The following CRIM1 variants were observed in gnomAD, a reference collection of about 807,000 sequenced individuals.
CRIM1 encodes cysteine rich transmembrane BMP regulator 1, also known as cysteine-rich motor neuron 1 protein.
Under a neutral mutation model 116.4 loss-of-function variants are expected in CRIM1, and 32 were observed. The observed-to-expected ratio is 0.27, with a 90% CI of 0.21 to 0.37. The LOEUF (loss-of-function observed/expected upper bound fraction) is 0.37. CRIM1 is among the 10% of genes least tolerant of loss of function. CRIM1 has a pLI of 1.00. For missense variants in CRIM1, 1,331 were observed against 1,354.8 expected (o/e 0.98, Z 0.28); for synonymous variants, 590 against 509.2 (o/e 1.16, Z -2.13).
chr2:36,385,144 C>T (rs190009130), intron 1 of CRIM1, among the ~76,000 whole-genome samples: 10 of 150,456 alleles, frequency 6.6e-5, no homozygotes, highest in Admixed American at 4.0e-4. Flanking sequence ...GAAGATATTT[C>T]TTTGTAGACC....
chr2:36,516,313 G>A (rs1482133154), intron 11 of CRIM1, among the ~76,000 whole-genome samples: 1 of 152,134 alleles, frequency 6.6e-6, no homozygotes, highest in Non-Finnish European at 1.5e-5. Context: ...TGAGCTAGCC[G>A]TGATGTCTCC....
rs185078747 is a variant in CRIM1, at chr2:36,544,364, C to T, written c.2624-12C>T. ...TTCATCATCTCTTAGGAAAAATGTT[C>T]CCTTCTTTTAGAAATGTATGTCCCA... On this transcript the variant is annotated splice_polypyrimidine_tract_variant and intron_variant, in intron 14 of 16. Coordinates refer to ENST00000280527, the MANE Select transcript of CRIM1 (RefSeq NM_016441.3). The T allele has an allele frequency of 3.0e-4, 404 of 1,338,620 alleles. No homozygotes were observed. The highest frequency in any genetic ancestry group is 3.7e-4 in the Non-Finnish European group (378 of 1,034,776). 82.9% of individuals were successfully genotyped at this position (1,338,620 alleles called of 1,614,324 possible).
In CRIM1 at chr2:36,544,441, C is replaced by G. The variant is rs1162741002; in HGVS notation, c.2689C>G (p.Leu897Val). ...GACAAACCATCGAGGAGAGGTTGACCTGGAGGTTCCCCTGTGGCCCACGCC... is the reference window on the plus strand; with the variant it reads ...GACAAACCATCGAGGAGAGGTTGACGTGGAGGTTCCCCTGTGGCCCACGCC... ...EKTNHRGEVD[L>V]EVPLWPTPSE... Residue 897 changes from leucine (L) to valine (V), a missense_variant, in exon 15 of 17, where the codon CTG (leucine) becomes GTG (valine). Transcript: ENST00000280527. The G allele has an allele frequency of 7.0e-7, 1 of 1,426,304 alleles. No individual in the cohort carries two copies. Among genetic ancestry groups the G allele is most frequent in the Non-Finnish European group, 9.2e-7 (1 of 1,083,376 alleles). The allele number at this position is 1,426,304 out of a possible 1,614,324, so 88.4% of individuals were successfully genotyped here. A position where few individuals can be genotyped will look rare whatever the true frequency, so the allele number is the denominator to read the frequency against.
At chr2:36,495,125 C>G (rs1484134839) in intron 7 of CRIM1, among the ~76,000 whole-genome samples, 2 of 152,170 alleles carry the variant, frequency 1.3e-5, no homozygotes, top group Non-Finnish European at 2.9e-5. Flanking sequence ...CGCCAGAAAT[C>G]TTAGCAGGAC....
At chr2:36,545,659 G>T (rs1399063135) in intron 15 of CRIM1, among the ~76,000 whole-genome samples, 1 of 152,094 alleles carries the variant, frequency 6.6e-6, no homozygotes, top group African/African-American at 2.4e-5. Flanking sequence ...AGCTAACTTT[G>T]ATGGCTTGGT....
At chr2:36,501,384 C>G (rs1680977332) in intron 8 of CRIM1, among the ~76,000 whole-genome samples, 1 of 152,182 alleles carries the variant, frequency 6.6e-6, no homozygotes, top group South Asian at 2.1e-4. Flanking sequence ...ATGTGACCAT[C>G]ACACTATCTA....
At chr2:36,400,071 T>C (rs768431436) in intron 2 of CRIM1, among the ~76,000 whole-genome samples, 78 of 152,196 alleles carry the variant, frequency 5.1e-4, no homozygotes, top group Non-Finnish European at 6.8e-4. Context: ...TTCTTGACCA[T>C]TCTGGTAGAA....
Position 36,479,573 on chromosome 2 carries a change from G to C in CRIM1, c.1251G>C (p.Arg417=). ...GLILAHGDRW[R]EDDCTFCQCV... is the part of the protein sequence containing the mutation. ...TCCTTGCCCACGGAGACCGGTGGCG[G>C]GAAGACGACTGCACATTCTGCCAGT... is the stretch of plus-strand genomic sequence containing the variant. The change falls in exon 7 of 17, where the codon CGG becomes CGC. Residue 417 remains arginine, a synonymous_variant. Coordinates refer to ENST00000280527, the MANE Select transcript of CRIM1 (RefSeq NM_016441.3). The C allele has an allele frequency of 1.2e-6, 2 of 1,614,218 alleles. No individual in the cohort carries two copies. Among genetic ancestry groups the C allele is most frequent in the Non-Finnish European group, 1.7e-6 (2 of 1,180,030 alleles).
chr2:36,479,728 A>G, intron 7 of CRIM1, 34 bp downstream of exon 7: 1 of 1,591,808 alleles, frequency 6.3e-7, no homozygotes, highest in Non-Finnish European at 8.6e-7. Context: ...GTCCCTGGTG[A>G]ATGTCTTCTG....
chr2:36,456,789 C>G (rs1009034835), intron 4 of CRIM1, among the ~76,000 whole-genome samples: 2 of 152,084 alleles, frequency 1.3e-5, no homozygotes, highest in Non-Finnish European at 2.9e-5. Flanking sequence ...ACCCCCCCAC[C>G]ACCCACCGCT....
At chr2:36,528,538 T>C (rs1320596952) in intron 13 of CRIM1, among the ~76,000 whole-genome samples, 1 of 152,350 alleles carries the variant, frequency 6.6e-6, no homozygotes, top group East Asian at 1.9e-4. Flanking sequence ...GAACTTACTG[T>C]GCATGATCCA....
At chr2:36,357,674 C>T (rs1008234872) in intron 1 of CRIM1, among the ~76,000 whole-genome samples, 17 of 152,138 alleles carry the variant, frequency 1.1e-4, no homozygotes, top group Non-Finnish European at 2.4e-4. Context: ...CCTGCTCTGG[C>T]TGACGTTGGG....
intron 7 of CRIM1, among the ~76,000 whole-genome samples, chr2:36,497,661 G>A (rs1680694717): frequency 6.6e-6 from 1 of 152,170 alleles, no homozygotes; most frequent in African/African-American, 2.4e-5. Context: ...AAAAATTTTA[G>A]TAAGATGCTG....
intron 3 of CRIM1, among the ~76,000 whole-genome samples, chr2:36,442,007 C>G (rs997035159): frequency 6.6e-6 from 1 of 152,214 alleles, no homozygotes; most frequent in South Asian, 2.1e-4. Flanking sequence ...CATCTGCCCT[C>G]TTTACTTTAT....
intron 4 of CRIM1, among the ~76,000 whole-genome samples, chr2:36,464,322 G>C (rs1456943001): frequency 1.3e-5 from 2 of 152,086 alleles, no homozygotes; most frequent in African/African-American, 2.4e-5. Flanking sequence ...TAAAAATTGG[G>C]GTGTACATAA....
At chr2:36,494,015 G>A (rs536197648) in intron 7 of CRIM1, among the ~76,000 whole-genome samples, 1 of 152,176 alleles carries the variant, frequency 6.6e-6, no homozygotes, top group East Asian at 1.9e-4. Context: ...TACTTCCTTG[G>A]CCAGTTTTTG....
intron 2 of CRIM1, among the ~76,000 whole-genome samples, chr2:36,404,809 G>C (rs3770923): frequency 0.14 from 20,563 of 152,030 alleles, 3,099 homozygotes; most frequent in African/African-American, 0.37. Flanking sequence ...TTTTAAAAGC[G>C]CAGATAACAG....
chr2:36,479,089 G>A (rs1036061381), intron 6 of CRIM1, among the ~76,000 whole-genome samples: 1 of 152,178 alleles, frequency 6.6e-6, no homozygotes, highest in Non-Finnish European at 1.5e-5. Context: ...GGGCATTGTT[G>A]CTTCCGCTTT....
chr2:36,393,348 A>G (rs1333472076), intron 1 of CRIM1, among the ~76,000 whole-genome samples: 4 of 152,088 alleles, frequency 2.6e-5, no homozygotes, highest in Admixed American at 2.6e-4. Flanking sequence ...TTATCTTGAA[A>G]CATAGTTTTC....
Sources: gnomAD v4.1 joint callset for allele counts (sites outside exome capture counted in the v4.1 genomes callset) on GRCh38, gnomAD v4.1.1 for gene constraint, MANE v1.5 for transcripts, NCBI Gene and HGNC (gene_info 2026-07-23, HGNC 2026-07-21) for gene names.